CDKL1: variants seen among roughly 807,000 people sequenced by gnomAD.
The protein encoded by CDKL1 is cyclin-dependent kinase-like 1.
CDKL1 carries 41 observed loss-of-function variants against 42.0 expected under a neutral mutation model. The observed-to-expected ratio is 0.98, with a 90% CI of 0.76 to 1.27. The LOEUF (loss-of-function observed/expected upper bound fraction) is 1.27, where lower values mean the gene tolerates loss of function less well. CDKL1 is among the 50% of genes most tolerant of loss of function. The pLI is 0.00. For synonymous variants in CDKL1, 153 were observed against 158.6 expected, an observed-to-expected ratio of 0.96 and a Z score of 0.26; for missense variants, 394 against 428.4, an observed-to-expected ratio of 0.92 and a Z score of 0.71.
At chr14:50,387,013 C>G (rs939012937) in intron 2 of CDKL1, among the ~76,000 whole-genome samples, 6 of 147,886 alleles carry the variant, frequency 4.1e-5, no homozygotes, top group Admixed American at 1.4e-4. Flanking sequence ...GAAGACAGAG[C>G]GAGACTCCGT....
chr14:50,357,615 C>T (rs2034093643), intron 3 of CDKL1, among the ~76,000 whole-genome samples: 1 of 152,212 alleles, frequency 6.6e-6, no homozygotes, highest in Admixed American at 6.5e-5. Context: ...ATGAAGCTCT[C>T]TTTGAATAAT....
At chr14:50,376,479 A>C in intron 2 of CDKL1, 1 of 459,648 alleles carries the variant, frequency 2.2e-6, no homozygotes, top group South Asian at 1.6e-5. Context: ...GGATGGCTGA[A>C]TACATTGTGC....
chr14:50,382,752 C>G (rs1361036549), intron 2 of CDKL1, among the ~76,000 whole-genome samples: 1 of 141,754 alleles, frequency 7.1e-6, no homozygotes, highest in Non-Finnish European at 1.5e-5. Context: ...CACCACCACA[C>G]CTGGGTAATT....
At chr14:50,380,462 C>T (rs1157388952) in intron 2 of CDKL1, among the ~76,000 whole-genome samples, 1 of 152,214 alleles carries the variant, frequency 6.6e-6, no homozygotes, top group East Asian at 1.9e-4. Context: ...GTATTCTTTC[C>T]AATACCAATC....
At chr14:50,358,937 G>T in intron 3 of CDKL1, 91 bp downstream of exon 3, 1 of 1,322,310 alleles carries the variant, frequency 7.6e-7, no homozygotes, top group Non-Finnish European at 1.1e-6. Context: ...ACTGCACCCG[G>T]CCTTACCTAG....
At chr14:50,336,932 G>A (rs913812684) in intron 7 of CDKL1, among the ~76,000 whole-genome samples, 14 of 150,338 alleles carry the variant, frequency 9.3e-5, no homozygotes, top group Non-Finnish European at 4.4e-5. Context: ...GTAAATATAT[G>A]TATATATGCA....
At chr14:50,339,478 C>A (rs1247123044) in intron 6 of CDKL1, among the ~76,000 whole-genome samples, 1 of 126,718 alleles carries the variant, frequency 7.9e-6, no homozygotes, top group Non-Finnish European at 1.6e-5. Flanking sequence ...TAACATAGAG[C>A]AAGCACTCAA....
chr14:50,346,896 ACCT>A (rs946801945), intron 3 of CDKL1, among the ~76,000 whole-genome samples: 10 of 151,942 alleles, frequency 6.6e-5, no homozygotes, highest in Non-Finnish European at 1.5e-4. Flanking sequence ...TGATACGCCC[ACCT>A]CAGCCTCCCA....
chr14:50,331,923 A>T, intron 9 of CDKL1: 1 of 1,037,492 alleles, frequency 9.6e-7, no homozygotes, highest in South Asian at 1.7e-5. Flanking sequence ...GATGACACAG[A>T]ACTGCATGGG....
intron 2 of CDKL1, among the ~76,000 whole-genome samples, chr14:50,373,801 A>G (rs1165377267): frequency 1.3e-5 from 2 of 152,238 alleles, no homozygotes; most frequent in East Asian, 3.8e-4. Flanking sequence ...ATACTGAGCA[A>G]CAGAACCTCT....
chr14:50,345,008 A>G lies in CDKL1; in HGVS notation c.341T>C (p.Val114Ala). The G allele has an allele frequency of 1.2e-6, 2 of 1,614,082 alleles. No individual in the cohort carries two copies. The highest frequency in any genetic ancestry group is 1.7e-6 in the Non-Finnish European group (2 of 1,179,972). Residue 114 changes from valine (V) to alanine (A), a missense_variant, in exon 4 of 10, where the codon GTA (valine) becomes GCA (alanine). By Grantham distance (64) the Val-to-Ala change is moderately conservative. Transcript: ENST00000395834. ...KSITWQTLQAVNFCHKHNCIH... is the reference protein window; with the variant it reads ...KSITWQTLQAANFCHKHNCIH... ...TACATTGTGTTTATGGCAAAAATTT[A>G]CAGCTTGCAGTGTCTGCCAAGTTAT...
intron 2 of CDKL1, among the ~76,000 whole-genome samples, chr14:50,389,775 A>G (rs1420228868): frequency 1.3e-5 from 2 of 152,182 alleles, no homozygotes; most frequent in Non-Finnish European, 2.9e-5. Context: ...TCTCACAGCT[A>G]AGGCCCTGCG....
intron 2 of CDKL1, among the ~76,000 whole-genome samples, chr14:50,368,257 G>A (rs997584483): frequency 1.3e-5 from 2 of 151,978 alleles, no homozygotes; most frequent in African/African-American, 4.8e-5. Flanking sequence ...ACTGTGCCTA[G>A]TCTATTTTTT....
chr14:50,354,308 T>G lies in CDKL1; in HGVS notation c.290+4720A>C, dbSNP rs142979220. ...AAATTTGCAACAAACAACATATCAT[T>G]TTTAATCTAAAAAAGAGAGAGAACA... On this transcript the variant is annotated intron_variant, in intron 3 of 9. Transcript: ENST00000395834. Among the ~76,000 whole-genome samples the G allele has an allele frequency of 9.0e-3, 1,370 of 152,300 alleles. 23 individuals are homozygous for G. The highest frequency in any genetic ancestry group is 0.031 in the African/African-American group (1,304 of 41,562).
chr14:50,368,189 G>A (rs1170392571), intron 2 of CDKL1, among the ~76,000 whole-genome samples: 1 of 152,110 alleles, frequency 6.6e-6, no homozygotes, highest in Non-Finnish European at 1.5e-5. Flanking sequence ...TGAAATCCTG[G>A]GCTCAAGCCA....
At chr14:50,386,233 A>C (rs1451436270) in intron 2 of CDKL1, among the ~76,000 whole-genome samples, 2 of 152,062 alleles carry the variant, frequency 1.3e-5, no homozygotes, top group Non-Finnish European at 2.9e-5. Context: ...GGAGTTTGAG[A>C]CCAGCCCGGG....
chr14:50,355,553 G>T (rs1250274977), intron 3 of CDKL1, among the ~76,000 whole-genome samples: 1 of 152,038 alleles, frequency 6.6e-6, no homozygotes, highest in Non-Finnish European at 1.5e-5. Flanking sequence ...CAATTTATTG[G>T]TTTGCTAATT....
intron 5 of CDKL1, 119 bp downstream of exon 5, chr14:50,342,011 GCA>G (rs1566579201): frequency 1.4e-6 from 1 of 727,330 alleles, no homozygotes; most frequent in Non-Finnish European, 2.3e-6. Flanking sequence ...ATAATTTATA[GCA>G]CACTTATGCC....
chr14:50,380,710 T>C (rs1201113344), intron 2 of CDKL1, among the ~76,000 whole-genome samples: 1 of 152,140 alleles, frequency 6.6e-6, no homozygotes, highest in Admixed American at 6.5e-5. Flanking sequence ...AGTTAAGATA[T>C]GTGTGTACCA....
Sources: allele counts gnomAD v4.1 joint callset (sites outside exome capture counted in the v4.1 genomes callset), GRCh38; gene constraint gnomAD v4.1.1; transcripts MANE v1.5; gene names NCBI Gene and HGNC (gene_info 2026-07-23, HGNC 2026-07-21).